ROCK1: variants seen among roughly 807,000 people sequenced by gnomAD.
The protein encoded by ROCK1 is rho-associated protein kinase 1.
A neutral mutation model predicts 196.8 loss-of-function variants in ROCK1; 36 were observed. The observed-to-expected ratio is 0.18, with a 90% CI of 0.14 to 0.24. The LOEUF (loss-of-function observed/expected upper bound fraction) is 0.24. ROCK1 is among the 10% of genes least tolerant of loss of function. The probability of loss-of-function intolerance (pLI) is 1.00; values close to 1 mark genes in which losing one functional copy is unlikely to be tolerated. For missense variants in ROCK1, 920 were observed against 1,562.0 expected (o/e 0.59, Z 6.93); for synonymous variants, 443 against 515.9 (o/e 0.86, Z 1.91).
At chr18:21,048,919 T>G (rs2036182577) in intron 4 of ROCK1, among the ~76,000 whole-genome samples, 173 bp downstream of exon 4, 1 of 152,254 alleles carries the variant, frequency 6.6e-6, no homozygotes, top group Non-Finnish European at 1.5e-5. Flanking sequence ...TGTTCTAGCC[T>G]TTCTTGCTAG....
At chr18:21,070,480 G>T in intron 2 of ROCK1, 52 bp downstream of exon 2, 1 of 947,022 alleles carries the variant, frequency 1.1e-6, no homozygotes, top group Non-Finnish European at 1.6e-6. Flanking sequence ...TGACATAAGT[G>T]AAAATGTAGT....
rs551818647 is a variant in ROCK1 at position 21,045,580 on chromosome 18, C to A, written c.415-113G>T. The stretch of plus-strand genomic sequence containing the variant: ...AGATTTAAGTAAAATAATCAAATTA[C>A]AGAAGTTGCAAGTCTAGTTTTAAAA... On this transcript the variant is annotated intron_variant, in intron 4 of 32. Coordinates refer to ENST00000399799, the MANE Select transcript of ROCK1 (RefSeq NM_005406.3). 7.4e-5 allele frequency: 62 copies of A among 843,368 alleles called. 1 individual carries two copies. In the Admixed American group the frequency reaches 1.3e-3, roughly 17 times the overall value. The allele number at this position is 843,368 out of a possible 1,614,324, so 52.2% of individuals were successfully genotyped here.
intron 11 of ROCK1, 62 bp from the exon 12 acceptor site, chr18:21,020,301 T>C (rs1413510188): frequency 1.2e-5 from 10 of 845,560 alleles, no homozygotes; most frequent in Non-Finnish European, 1.8e-5. Flanking sequence ...TTTAAAAATA[T>C]CAAGTCTATG....
chr18:20,970,681 CCT>C (rs2035417578), intron 22 of ROCK1, among the ~76,000 whole-genome samples, 168 bp from the exon 23 acceptor site: 1 of 152,104 alleles, frequency 6.6e-6, no homozygotes, highest in Admixed American at 6.5e-5. Context: ...ATGAATTTAA[CCT>C]CTCACATGTT....
intron 2 of ROCK1, among the ~76,000 whole-genome samples, chr18:21,063,216 T>G (rs969359642): frequency 1.3e-5 from 2 of 152,108 alleles, no homozygotes; most frequent in African/African-American, 4.8e-5. Context: ...CCCCACCTAC[T>G]AGCACTGGCA....
intron 16 of ROCK1, among the ~76,000 whole-genome samples, chr18:21,000,967 A>G (rs2035718516): frequency 6.6e-6 from 1 of 152,220 alleles, no homozygotes; most frequent in South Asian, 2.1e-4. Flanking sequence ...ACAAATGTTG[A>G]AGGAGTGCTA....
intron 2 of ROCK1, among the ~76,000 whole-genome samples, chr18:21,061,448 A>T (rs1049668138): frequency 5.3e-5 from 8 of 152,230 alleles, no homozygotes; most frequent in Non-Finnish European, 4.4e-5. Context: ...ATTCCATTTA[A>T]TGACATTCTG....
chr18:20,984,253 T>C (rs1568375364), intron 20 of ROCK1, 98 bp downstream of exon 20: 3 of 907,266 alleles, frequency 3.3e-6, no homozygotes, highest in Non-Finnish European at 4.9e-6. Flanking sequence ...TTTCACAAAC[T>C]CTAAGTACAT....
At chr18:20,970,583 T>A in intron 22 of ROCK1, 70 bp from the exon 23 acceptor site, 1 of 1,001,970 alleles carries the variant, frequency 1.0e-6, no homozygotes. Context: ...ATCATATTCT[T>A]AAAAACACAA....
chr18:21,085,401 G>C (rs1280983926), intron 1 of ROCK1, among the ~76,000 whole-genome samples: 1 of 148,988 alleles, frequency 6.7e-6, no homozygotes, highest in Admixed American at 6.8e-5. Context: ...ATTTTTAAGG[G>C]CATTATTAAT....
intron 1 of ROCK1, among the ~76,000 whole-genome samples, chr18:21,073,371 G>A (rs1159715759): frequency 6.6e-6 from 1 of 152,234 alleles, no homozygotes; most frequent in South Asian, 2.1e-4. Context: ...GGGAGCAGGG[G>A]GAAGAGGAGG....
At chr18:21,020,006 C>T (rs957708463) in intron 12 of ROCK1, 145 bp downstream of exon 12, 5 of 455,720 alleles carry the variant, frequency 1.1e-5, no homozygotes, top group East Asian at 7.4e-5. Flanking sequence ...CAATTCTAGC[C>T]GAGACACATC....
intron 1 of ROCK1, among the ~76,000 whole-genome samples, chr18:21,103,747 A>G (rs1326795246): frequency 1.3e-5 from 2 of 152,148 alleles, no homozygotes; most frequent in African/African-American, 4.8e-5. Flanking sequence ...CCTATCATAG[A>G]ATTTTCAGAG....
chr18:21,078,265 G>A (rs908404552), intron 1 of ROCK1, among the ~76,000 whole-genome samples: 5 of 151,824 alleles, frequency 3.3e-5, no homozygotes, highest in African/African-American at 1.2e-4. Context: ...GGAGGCAGGG[G>A]CTGCAATGAG....
chr18:21,008,212 A>C lies in ROCK1; in HGVS notation c.1411-18T>G. ...TGATTTCCCTGGAATTATAATGATA[A>C]AAGTTACCACTGTGATTAATACTCT... On this transcript the variant is annotated intron_variant, in intron 13 of 32. Transcript: ENST00000399799. 1 of 1,553,068 alleles carries C rather than the reference A, an allele frequency of 6.4e-7. No individual in the cohort carries two copies. Among genetic ancestry groups the C allele is most frequent in the Non-Finnish European group, 8.7e-7 (1 of 1,145,166 alleles).
chr18:21,015,928 C>T (rs916117110), intron 12 of ROCK1, among the ~76,000 whole-genome samples: 4 of 150,688 alleles, frequency 2.7e-5, no homozygotes, highest in Admixed American at 6.6e-5. Context: ...TGCAGTGAGC[C>T]GAGATCATGC....
At chr18:21,010,475 T>G (rs905945603) in intron 13 of ROCK1, among the ~76,000 whole-genome samples, 2 of 152,260 alleles carry the variant, frequency 1.3e-5, no homozygotes, top group African/African-American at 4.8e-5. Flanking sequence ...ATGTATTTTT[T>G]TCACTGAGAC....
At chr18:20,952,831 G>T (rs897861772) in intron 32 of ROCK1, among the ~76,000 whole-genome samples, 4 of 151,840 alleles carry the variant, frequency 2.6e-5, no homozygotes, top group African/African-American at 9.7e-5. Flanking sequence ...AAGGGACATG[G>T]ATGAAGCTGG....
chr18:21,031,893 C>A (rs1555750964), intron 9 of ROCK1, among the ~76,000 whole-genome samples: 1 of 151,836 alleles, frequency 6.6e-6, no homozygotes, highest in African/African-American at 2.4e-5. Context: ...GAAAAAAAAC[C>A]AGTGAACTTG....
Sources: gnomAD v4.1 joint callset for allele counts (sites outside exome capture counted in the v4.1 genomes callset) on GRCh38, gnomAD v4.1.1 for gene constraint, MANE v1.5 for transcripts, NCBI Gene and HGNC (gene_info 2026-07-23, HGNC 2026-07-21) for gene names.